Variants in OR1J2 observed in about 807,000 individuals in gnomAD.
OR1J2 encodes the protein olfactory receptor 1J2.
For missense variants in OR1J2, 304 were observed against 246.1 expected (o/e 1.24, Z -1.57); for synonymous variants, 142 against 99.7 (o/e 1.42, Z -2.52).
At chr9:122,452,453 C>G in the OR1J2 span, among the ~76,000 whole-genome samples, 1 of 152,280 alleles carries the variant, frequency 6.6e-6, no homozygotes, top group Non-Finnish European at 1.5e-5. Context: ...TTGCTTGAGC[C>G]TGCAGCACAA....
chr9:122,538,229 C>T, the OR1J2 span, among the ~76,000 whole-genome samples: 3 of 151,660 alleles, frequency 2.0e-5, no homozygotes, highest in Non-Finnish European at 2.9e-5. Flanking sequence ...ATAATTCAAC[C>T]GAGGACCCAC....
chr9:122,510,010 A>G (rs369854661), upstream of OR1J2, among the ~76,000 whole-genome samples: 10 of 152,260 alleles, frequency 6.6e-5, no homozygotes, highest in East Asian at 1.9e-4. Flanking sequence ...GTGCGGGAGG[A>G]AGAGCATCAG....
chr9:122,469,838 G>A, the OR1J2 span, among the ~76,000 whole-genome samples: 1 of 152,194 alleles, frequency 6.6e-6, no homozygotes, highest in Non-Finnish European at 1.5e-5. Flanking sequence ...GAGACTGGCA[G>A]CATTTTGCCT....
the OR1J2 span, among the ~76,000 whole-genome samples, chr9:122,471,983 C>G: frequency 6.6e-6 from 1 of 152,160 alleles, no homozygotes; most frequent in Non-Finnish European, 1.5e-5. Context: ...ACAATTACTT[C>G]TATAAAACAA....
At chr9:122,467,047 G>A in the OR1J2 span, among the ~76,000 whole-genome samples, 1 of 151,974 alleles carries the variant, frequency 6.6e-6, no homozygotes, top group Non-Finnish European at 1.5e-5. Flanking sequence ...AACTGGTCTC[G>A]AACTCCAGAC....
the OR1J2 span, among the ~76,000 whole-genome samples, chr9:122,455,433 C>T: frequency 5.0e-4 from 76 of 152,294 alleles, no homozygotes; most frequent in Admixed American, 4.9e-3. Flanking sequence ...TTGTGTCTTG[C>T]ATTTCCATAA....
upstream of OR1J2, among the ~76,000 whole-genome samples, chr9:122,509,592 C>A (rs1828593459): frequency 6.6e-6 from 1 of 152,144 alleles, no homozygotes; most frequent in Non-Finnish European, 1.5e-5. Context: ...CCACAACCAC[C>A]AAGGGGAAGA....
the OR1J2 span, among the ~76,000 whole-genome samples, chr9:122,545,586 G>A: frequency 6.6e-6 from 1 of 152,032 alleles, no homozygotes. Context: ...ATCTCTGGTA[G>A]TACTCTTTGT....
the OR1J2 span, chr9:122,568,029 CAGG>C: frequency 1.2e-6 from 2 of 1,613,948 alleles, no homozygotes; most frequent in Non-Finnish European, 1.7e-6. Flanking sequence ...AGGAAATGAG[CAGG>C]AGAAGGCCAC....
chr9:122,547,564 A>G, the OR1J2 span, among the ~76,000 whole-genome samples: 1 of 151,238 alleles, frequency 6.6e-6, no homozygotes, highest in African/African-American at 2.4e-5. Flanking sequence ...TCCAATGTCT[A>G]TTATTCCACT....
chr9:122,522,819 T>G, the OR1J2 span, among the ~76,000 whole-genome samples: 1 of 152,208 alleles, frequency 6.6e-6, no homozygotes, highest in South Asian at 2.1e-4. Flanking sequence ...CATATTCTGA[T>G]AGTGTAGCAA....
chr9:122,473,851 GA>G, the OR1J2 span, among the ~76,000 whole-genome samples: 28 of 152,290 alleles, frequency 1.8e-4, no homozygotes, highest in Non-Finnish European at 3.8e-4. Context: ...GCTACCCTAG[GA>G]ATTCTTGCAG....
the OR1J2 span, chr9:122,526,304 C>T: frequency 6.4e-5 from 73 of 1,137,948 alleles, no homozygotes; most frequent in Admixed American, 1.1e-4. Context: ...AAATGAAGCC[C>T]GTTTGTCTGA....
chr9:122,506,175 A>G (rs115897183), upstream of OR1J2, among the ~76,000 whole-genome samples: 1,386 of 152,054 alleles, frequency 9.1e-3, 24 homozygotes, highest in African/African-American at 0.032. Context: ...ATTTTTTTTA[A>G]CCTCCCTAGG....
At chr9:122,451,990 T>TGCCTCA in the OR1J2 span, among the ~76,000 whole-genome samples, 15 of 152,334 alleles carry the variant, frequency 9.8e-5, no homozygotes, top group South Asian at 3.1e-3. Flanking sequence ...GCCATTCTCC[T>TGCCTCA]GCCTCAGCCT....
chr9:122,519,664 C>T, the OR1J2 span: 2 of 1,614,118 alleles, frequency 1.2e-6, no homozygotes, highest in South Asian at 1.1e-5. Context: ...AACACCATCC[C>T]CCATTTCTTC....
At chr9:122,519,463 C>G in the OR1J2 span, 2 of 1,614,176 alleles carry the variant, frequency 1.2e-6, no homozygotes, top group Non-Finnish European at 8.5e-7. Flanking sequence ...ATATTTTTCA[C>G]TGATCTAGAC....
chr9:122,482,027 TA>T, the OR1J2 span, among the ~76,000 whole-genome samples: 1 of 151,848 alleles, frequency 6.6e-6, no homozygotes, highest in Non-Finnish European at 1.5e-5. Flanking sequence ...TATATCAAAC[TA>T]AAAAGCTTCT....
At chr9:122,466,095 T>C in the OR1J2 span, among the ~76,000 whole-genome samples, 2 of 152,192 alleles carry the variant, frequency 1.3e-5, no homozygotes, top group African/African-American at 4.8e-5. Flanking sequence ...TTGGTTCATA[T>C]ACTTTTTGTG....
Sources: gnomAD v4.1 joint callset for allele counts (sites outside exome capture counted in the v4.1 genomes callset) on GRCh38, gnomAD v4.1.1 for gene constraint, MANE v1.5 for transcripts, NCBI Gene and HGNC (gene_info 2026-07-23, HGNC 2026-07-21) for gene names.